DHX35: variants seen among roughly 807,000 people sequenced by gnomAD.
DHX35 encodes the protein DEAH-box helicase 35, also known as probable ATP-dependent RNA helicase DHX35.
In DHX35, 84 loss-of-function variants were observed where a neutral mutation model predicts 99.6. That is an observed-to-expected ratio of 0.84 (90% CI 0.71 to 1.01). The LOEUF (loss-of-function observed/expected upper bound fraction) is 1.01. Among genes scored for constraint, DHX35 ranks in the 50% least tolerant of loss-of-function variants. The probability of loss-of-function intolerance (pLI) is 0.00; values close to 1 mark genes in which losing one functional copy is unlikely to be tolerated. For synonymous variants in DHX35, 331 were observed against 316.2 expected (o/e 1.05, Z -0.50); for missense variants, 852 against 888.5 (o/e 0.96, Z 0.52).
At chr20:39,000,576 T>A (rs2086502434) in intron 8 of DHX35, among the ~76,000 whole-genome samples, 1 of 152,224 alleles carries the variant, frequency 6.6e-6, no homozygotes, top group East Asian at 1.9e-4. Context: ...TTGAGGTTAA[T>A]ATATAACATC....
intron 17 of DHX35, 124 bp from the exon 18 acceptor site, chr20:39,025,106 C>G (rs531636714): frequency 1.7e-6 from 2 of 1,186,416 alleles, no homozygotes; most frequent in East Asian, 5.2e-5. Context: ...AGGGCCAGTT[C>G]CCATCTTTAG....
intron 8 of DHX35, among the ~76,000 whole-genome samples, chr20:38,997,107 C>T (rs2086443143): frequency 6.6e-6 from 1 of 151,782 alleles, no homozygotes; most frequent in Non-Finnish European, 1.5e-5. Context: ...GTCTCACTGT[C>T]TTGCCCAGGC....
At position 39,038,971 on chromosome 20, in the gene DHX35, A is replaced by G. The variant is rs577857984; in HGVS notation, c.*428A>G. 1.0e-4 allele frequency: 22 copies of G among 219,426 alleles called. No homozygotes were observed. In the Admixed American group the frequency reaches 1.1e-3, roughly 11 times the overall value. The allele number at this position is 219,426 out of a possible 1,614,324, so 13.6% of individuals were successfully genotyped here. A position where few individuals can be genotyped will look rare whatever the true frequency, so the allele number is the denominator to read the frequency against. ...TGCTGGGGCCACAGCTGTGTTAACC[A>G]ATGAGGTCTGCTGCCAGGTGTGAAC... On this transcript the variant is annotated 3_prime_UTR_variant, in exon 22 of 22. Transcript: ENST00000252011.
intron 3 of DHX35, among the ~76,000 whole-genome samples, chr20:38,981,053 T>C (rs138209951): frequency 4.3e-4 from 65 of 152,360 alleles, no homozygotes; most frequent in African/African-American, 1.5e-3. Flanking sequence ...AGAAATGATA[T>C]TGTATCCTTA....
intron 1 of DHX35, among the ~76,000 whole-genome samples, chr20:38,963,618 T>A (rs1041342023): frequency 6.6e-6 from 1 of 152,210 alleles, no homozygotes. Context: ...AAGTGTTAGG[T>A]ATAATAAAGA....
intron 2 of DHX35, among the ~76,000 whole-genome samples, chr20:38,971,924 G>A (rs906583013): frequency 1.9e-4 from 29 of 150,552 alleles, no homozygotes; most frequent in Admixed American, 1.8e-3. Flanking sequence ...TCTGCAATGA[G>A]TATGCTTGTA....
chr20:39,003,987 C>G, intron 11 of DHX35, 80 bp downstream of exon 11: 3 of 1,530,702 alleles, frequency 2.0e-6, no homozygotes, highest in East Asian at 2.3e-5. Flanking sequence ...TTGAAACTTG[C>G]TAAACACAAG....
chr20:39,038,694 C>T lies in DHX35; in HGVS notation c.*151C>T. ...GCGGCCTGTTCATTAGTCCTTTCTT[C>T]CCGCTGCCCACAGCATTTGCATCCT... is the stretch of plus-strand genomic sequence containing the variant. On this transcript the variant is annotated 3_prime_UTR_variant, in exon 22 of 22. Transcript: ENST00000252011. The T allele has an allele frequency of 1.4e-6, 1 of 716,082 alleles. No homozygotes were observed. The highest frequency in any genetic ancestry group is 2.3e-6 in the Non-Finnish European group (1 of 434,578). The allele number at this position is 716,082 out of a possible 1,614,324, so 44.4% of individuals were successfully genotyped here.
chr20:39,006,885 G>A (rs1448940948), intron 12 of DHX35, among the ~76,000 whole-genome samples: 1 of 152,210 alleles, frequency 6.6e-6, no homozygotes, highest in Non-Finnish European at 1.5e-5. Context: ...GGGAACAGAA[G>A]GCAATTTTAA....
Position 39,025,304 on chromosome 20 carries a change from A to G in DHX35, c.1746A>G (p.Arg582=). The change falls in exon 18 of 22, where the codon AGA becomes AGG. Residue 582 remains arginine (R), a synonymous_variant. Coordinates refer to ENST00000252011, the MANE Select transcript of DHX35 (RefSeq NM_021931.4). ...GTCTTGTCAGAGCTGCGACTGTAAG[A>G]GAACAATTGAAAAAGCTTCTTGTCA... The part of the protein sequence containing the change: ...YKGLVRAATV[R]EQLKKLLVKF... 6.2e-7 allele frequency: 1 copy of G among 1,613,872 alleles called. No homozygotes were observed. The highest frequency in any genetic ancestry group is 8.5e-7 in the Non-Finnish European group (1 of 1,179,874).
chr20:39,030,773 C>G lies in DHX35; in HGVS notation c.1953C>G (p.Arg651=). Residue 651 remains arginine (R), a splice_region_variant and synonymous_variant, in exon 20 of 22, where the codon CGC becomes CGG. Transcript: ENST00000252011. ...ASVLYAEKPP[R]WVIYNEVIQT... ...TCCTCTATGCAGAGAAGCCGCCTCG[C>G]TGGTAAGCTCATCCTGCTGCTTAGC... 1 of 1,614,122 alleles carries G rather than the reference C, an allele frequency of 6.2e-7. No homozygotes were observed. The highest frequency in any genetic ancestry group is 1.1e-5 in the South Asian group (1 of 91,086).
intron 7 of DHX35, among the ~76,000 whole-genome samples, chr20:38,993,154 A>G (rs1255656517): frequency 2.0e-5 from 3 of 152,358 alleles, no homozygotes; most frequent in South Asian, 4.1e-4. Context: ...GCATTGAGTC[A>G]GACTACCTGG....
In DHX35 at chr20:38,980,860, A is replaced by G. The variant is rs191981692; in HGVS notation, c.268-2839A>G. On this transcript the variant is annotated intron_variant, in intron 3 of 21. Coordinates refer to ENST00000252011, the MANE Select transcript of DHX35 (RefSeq NM_021931.4). ...AGTTCTAGGATCCTACATTGCATTTAGTTGTTGTTTCTCCCTAATCTTTTC... is the reference window on the plus strand; with the variant it reads ...AGTTCTAGGATCCTACATTGCATTTGGTTGTTGTTTCTCCCTAATCTTTTC... Among the ~76,000 whole-genome samples the G allele has an allele frequency of 4.4e-3, 670 of 152,226 alleles. 2 individuals are homozygous for G. Among genetic ancestry groups the G allele is most frequent in the Middle Eastern group, 0.024 (7 of 292 alleles).
chr20:39,004,852 T>TCCCAATTTCAGACCACCTGGAAG lies in DHX35; in HGVS notation c.1011+946_1011+968dup, dbSNP rs2086587148. ...GGTGAGGGATGGTCTGAGGATCCAC[T>TCCCAATTTCAGACCACCTGGAAG]CCCAATTTCAGACCACCTGGAAGAG... On this transcript the variant is annotated intron_variant, in intron 11 of 21. Transcript: ENST00000252011. Among the ~76,000 whole-genome samples, 3 of 152,136 alleles carry TCCCAATTTCAGACCACCTGGAAG rather than the reference T, an allele frequency of 2.0e-5. No homozygotes were observed. In the South Asian group the frequency reaches 6.2e-4, roughly 31 times the overall value.
In DHX35 at chr20:38,990,630, A is replaced by G. The variant is rs181861849; in HGVS notation, c.451-824A>G. Among the ~76,000 whole-genome samples, 618 of 152,356 alleles carry G rather than the reference A, an allele frequency of 4.1e-3. 4 individuals carry two copies. Among genetic ancestry groups the G allele is most frequent in the Non-Finnish European group, 5.5e-3 (376 of 68,040 alleles). On this transcript the variant is annotated intron_variant, in intron 5 of 21. Transcript: ENST00000252011. The stretch of plus-strand genomic sequence containing the variant: ...AAAATACAGTATAACAACTATTTAC[A>G]TAACATTTACATTGTTTTAGTCATT...
At chr20:38,975,413 A>G (rs1442141286) in intron 3 of DHX35, among the ~76,000 whole-genome samples, 2 of 152,246 alleles carry the variant, frequency 1.3e-5, no homozygotes, top group African/African-American at 4.8e-5. Context: ...AACAAGTAAT[A>G]ACAGTAATAA....
Position 39,032,112 on chromosome 20 carries a change from A to G in DHX35, c.1955+1337A>G, listed in dbSNP as rs567820674. ...TTTTTCTAGAATTCATTTATATTGT[A>G]TTTTACCAATAAAAAGTACTGATTA... On this transcript the variant is annotated intron_variant, in intron 20 of 21. Transcript: ENST00000252011. 1.4e-4 allele frequency among the ~76,000 whole-genome samples: 21 copies of G among 152,312 alleles called. No homozygotes were observed. In the South Asian group the frequency reaches 4.3e-3, roughly 32 times the overall value.
At chr20:39,011,232 A>C (rs2086697769) in intron 13 of DHX35, among the ~76,000 whole-genome samples, 1 of 151,614 alleles carries the variant, frequency 6.6e-6, no homozygotes, top group South Asian at 2.1e-4. Flanking sequence ...ATTTCTTACA[A>C]ATATTTTCTA....
rs2086907746 is a variant in DHX35 at position 39,023,723 on chromosome 20, G to A, written c.1627G>A (p.Gly543Ser). The change falls in exon 17 of 22, where the codon GGC (glycine) becomes AGC (serine). Residue 543 changes from glycine to serine, a missense_variant. Gly to Ser is a moderately conservative substitution (Grantham distance 56). Coordinates refer to ENST00000252011, the MANE Select transcript of DHX35 (RefSeq NM_021931.4). ...GCACCGTAAATTTGCTGTGGAGGAG[G>A]GCGACCACCTCACTATGCTCAATAT... ...RVHRKFAVEE[G>S]DHLTMLNIYE... 3 of 1,613,920 alleles carry A rather than the reference G, an allele frequency of 1.9e-6. No homozygotes were observed. The highest frequency in any genetic ancestry group is 1.1e-5 in the South Asian group (1 of 91,076).
Sources: gnomAD v4.1 joint callset for allele counts (sites outside exome capture counted in the v4.1 genomes callset) on GRCh38, gnomAD v4.1.1 for gene constraint, MANE v1.5 for transcripts, NCBI Gene and HGNC (gene_info 2026-07-23, HGNC 2026-07-21) for gene names.